Variants in ART3 observed in about 807,000 individuals in gnomAD.
ART3 encodes the protein ADP-ribosyltransferase 3 (inactive), also known as ecto-ADP-ribosyltransferase 3.
Under a neutral mutation model 48.5 loss-of-function variants are expected in ART3, and 49 were observed. The observed-to-expected ratio is 1.01, with a 90% confidence interval of 0.80 to 1.28. The LOEUF is 1.28. Ranked by LOEUF, ART3 falls within the 50% of genes most tolerant of loss-of-function variation. ART3 has a pLI of 0.00. For missense variants in ART3, 438 were observed against 454.3 expected (o/e 0.96, Z 0.33); for synonymous variants, 145 against 157.2 (o/e 0.92, Z 0.58).
chr4:76,050,957 G>T (rs1407214570), intron 1 of ART3, among the ~76,000 whole-genome samples: 1 of 152,198 alleles, frequency 6.6e-6, no homozygotes, highest in Non-Finnish European at 1.5e-5. Context: ...CCGAGTGCGG[G>T]GCCCGCCAAG....
chr4:76,097,039 AATG>A (rs1416386126), intron 3 of ART3, among the ~76,000 whole-genome samples: 2 of 152,150 alleles, frequency 1.3e-5, no homozygotes, highest in Non-Finnish European at 2.9e-5. Context: ...TATAGAATAG[AATG>A]ATAAGGTATT....
intron 8 of ART3, among the ~76,000 whole-genome samples, chr4:76,101,624 C>T (rs1394344588): frequency 3.9e-5 from 6 of 152,180 alleles, no homozygotes; most frequent in Admixed American, 2.0e-4. Context: ...TGGTGGCACA[C>T]GCCTGTAGTC....
At chr4:76,084,908 G>A (rs895452905) in intron 3 of ART3, among the ~76,000 whole-genome samples, 3 of 152,194 alleles carry the variant, frequency 2.0e-5, no homozygotes, top group African/African-American at 7.2e-5. Flanking sequence ...AAGGACAGCA[G>A]TACTCTCGTA....
At chr4:76,041,490 T>C (rs7683657) in intron 1 of ART3, 92,215 of 151,270 alleles carry the variant, frequency 0.61, 29,120 homozygotes, top group East Asian at 0.94. Context: ...CTTTTCTAAC[T>C]TTATCCAGTA....
Position 76,081,982 on chromosome 4 carries a change from A to C in ART3, c.228A>C (p.Lys76Asn). The C allele has an allele frequency of 6.2e-7, 1 of 1,614,210 alleles. No homozygotes were observed. The highest frequency in any genetic ancestry group is 8.5e-7 in the Non-Finnish European group (1 of 1,180,026). Residue 76 changes from lysine (K) to asparagine (N), a missense_variant, in exon 3 of 12, where the codon AAA becomes AAC. Lys to Asn is a moderately conservative substitution (Grantham distance 94, BLOSUM62 0). Coordinates refer to ENST00000355810, the MANE Select transcript of ART3 (RefSeq NM_001130016.3). ...LDTVWENAKA[K>N]WAARKTQIFL... Reference sequence around the variant, plus strand: ...CTGTGTGGGAAAATGCAAAAGCCAAATGGGCAGCCCGAAAGACTCAAATCT... The same window carrying C: ...CTGTGTGGGAAAATGCAAAAGCCAACTGGGCAGCCCGAAAGACTCAAATCT...
chr4:76,105,479 GT>G, intron 10 of ART3: 1 of 1,283,646 alleles, frequency 7.8e-7, no homozygotes, highest in Non-Finnish European at 1.0e-6. Context: ...GTAGTAAATG[GT>G]AGCTGCCTTT....
chr4:76,094,506 T>C, intron 3 of ART3, among the ~76,000 whole-genome samples: 1 of 152,204 alleles, frequency 6.6e-6, no homozygotes, highest in African/African-American at 2.4e-5. Context: ...TTCTGGTACA[T>C]AGTTAATTTA....
chr4:76,097,573 C>A, intron 3 of ART3, 71 bp from the exon 4 acceptor site: 1 of 1,299,436 alleles, frequency 7.7e-7, no homozygotes, highest in Non-Finnish European at 1.1e-6. Flanking sequence ...TTACCAACAG[C>A]CATAGATTAA....
intron 1 of ART3, chr4:76,034,895 A>AG: frequency 7.1e-7 from 1 of 1,406,562 alleles, no homozygotes; most frequent in Non-Finnish European, 1.0e-6. Flanking sequence ...TGTAGTAAGA[A>AG]GGGGAAGCTG....
chr4:76,095,342 T>C (rs1389888656), intron 3 of ART3, among the ~76,000 whole-genome samples: 1 of 152,062 alleles, frequency 6.6e-6, no homozygotes, highest in Non-Finnish European at 1.5e-5. Context: ...ACCCTGCCTC[T>C]ATTAAAAATA....
chr4:76,037,048 G>T, intron 1 of ART3: 1 of 167,794 alleles, frequency 6.0e-6, no homozygotes, highest in South Asian at 1.5e-4. Flanking sequence ...CACAGCTATA[G>T]GGTAGTGCAG....
At chr4:76,042,572 A>G (rs907477501) in intron 1 of ART3, among the ~76,000 whole-genome samples, 2 of 152,226 alleles carry the variant, frequency 1.3e-5, no homozygotes, top group East Asian at 3.9e-4. Flanking sequence ...GCTGACTTCA[A>G]GAATGAAGCC....
upstream of ART3, chr4:76,074,675 G>A (rs528071694): frequency 6.6e-6 from 1 of 152,132 alleles, no homozygotes; most frequent in Non-Finnish European, 1.5e-5. Flanking sequence ...ACTGCTGGGG[G>A]TGTTTATAAA....
chr4:76,020,805 G>T (rs182624682), intron 1 of ART3, among the ~76,000 whole-genome samples: 3 of 152,082 alleles, frequency 2.0e-5, no homozygotes, highest in Non-Finnish European at 4.4e-5. Flanking sequence ...AGTGAGCTAT[G>T]ATTGCACCAC....
intron 1 of ART3, chr4:76,035,246 G>C: frequency 6.2e-7 from 1 of 1,614,034 alleles, no homozygotes; most frequent in South Asian, 1.1e-5. Flanking sequence ...GTTGTTACTT[G>C]GGTACATTAT....
At chr4:76,053,727 C>A (rs1291993475) in intron 1 of ART3, among the ~76,000 whole-genome samples, 1 of 152,212 alleles carries the variant, frequency 6.6e-6, no homozygotes, top group Non-Finnish European at 1.5e-5. Context: ...TGATCAAGTT[C>A]TGCCAGCTCA....
At chr4:76,057,123 GTTTTC>G (rs1578356513) in intron 1 of ART3, among the ~76,000 whole-genome samples, 3 of 152,066 alleles carry the variant, frequency 2.0e-5, no homozygotes, top group African/African-American at 7.2e-5. Flanking sequence ...ACAAAATTAT[GTTTTC>G]TTTTCAGTAT....
upstream of ART3, among the ~76,000 whole-genome samples, chr4:76,073,520 T>C (rs983110995): frequency 2.0e-5 from 3 of 152,318 alleles, no homozygotes; most frequent in East Asian, 1.9e-4. Context: ...TTTGTAAATA[T>C]AGGTGTATTT....
intron 1 of ART3, among the ~76,000 whole-genome samples, chr4:76,050,976 T>C (rs4610366): frequency 0.59 from 89,037 of 151,982 alleles, 26,934 homozygotes; most frequent in East Asian, 0.94. Flanking sequence ...AGCCCACGCC[T>C]ACCCGGAACT....
Sources: gnomAD v4.1 joint callset for allele counts (sites outside exome capture counted in the v4.1 genomes callset) on GRCh38, gnomAD v4.1.1 for gene constraint, MANE v1.5 for transcripts, NCBI Gene and HGNC (gene_info 2026-07-23, HGNC 2026-07-21) for gene names.